The following SYN2 variants were observed in gnomAD, a reference collection of about 807,000 sequenced individuals.
The protein encoded by SYN2 is synapsin II.
Under a neutral mutation model 50.9 loss-of-function variants are expected in SYN2, and 19 were observed. That is an observed-to-expected ratio of 0.37 (90% CI 0.26 to 0.55). The LOEUF (loss-of-function observed/expected upper bound fraction) is 0.55, where lower values mean the gene tolerates loss of function less well. Ranked by LOEUF, SYN2 falls within the 20% of genes least tolerant of loss-of-function variation. The probability of loss-of-function intolerance (pLI) is 0.81; values close to 1 mark genes in which losing one functional copy is unlikely to be tolerated. For missense variants in SYN2, 587 were observed against 576.4 expected, an observed-to-expected ratio of 1.02 and a Z score of -0.19; for synonymous variants, 255 against 224.9, an observed-to-expected ratio of 1.13 and a Z score of -1.20.
chr3:12,037,442 CATTT>C (rs1324053646), intron 1 of SYN2, among the ~76,000 whole-genome samples: 1 of 152,162 alleles, frequency 6.6e-6, no homozygotes, highest in East Asian at 1.9e-4. Flanking sequence ...TAGATACAAA[CATTT>C]ATTTATTATA....
At chr3:12,168,563 C>T (rs570874157) in intron 9 of SYN2, 85 bp downstream of exon 9, 10 of 1,147,870 alleles carry the variant, frequency 8.7e-6, no homozygotes, top group Middle Eastern at 2.0e-4. Context: ...TTTGGAGTCT[C>T]CTGAACCATG....
chr3:12,015,351 A>G (rs1694004799), intron 1 of SYN2, among the ~76,000 whole-genome samples: 1 of 152,206 alleles, frequency 6.6e-6, no homozygotes, highest in Non-Finnish European at 1.5e-5. Context: ...CAACACTGAG[A>G]TCCCCTTGAA....
At chr3:12,113,863 G>T (rs1696376126) in intron 1 of SYN2, among the ~76,000 whole-genome samples, 1 of 151,594 alleles carries the variant, frequency 6.6e-6, no homozygotes, top group Non-Finnish European at 1.5e-5. Flanking sequence ...GGACATTTTG[G>T]GCTATTTTCA....
At chr3:12,083,521 T>C (rs1458602323) in intron 1 of SYN2, among the ~76,000 whole-genome samples, 1 of 152,216 alleles carries the variant, frequency 6.6e-6, no homozygotes, top group Non-Finnish European at 1.5e-5. Context: ...TGTTTATTCC[T>C]TCCTCCCAAA....
chr3:12,148,802 A>T (rs763453561), intron 4 of SYN2: 1 of 152,066 alleles, frequency 6.6e-6, no homozygotes, highest in Non-Finnish European at 1.5e-5. Context: ...CTGGAATCCC[A>T]TTTTTTTCCA....
intron 12 of SYN2, 69 bp from the exon 13 acceptor site, chr3:12,190,421 C>T: frequency 4.5e-6 from 7 of 1,571,494 alleles, no homozygotes; most frequent in Admixed American, 1.7e-5. Context: ...TGTATCCTCA[C>T]GTCACCGTCC....
chr3:12,174,147 A>C (rs1286242675), intron 10 of SYN2, among the ~76,000 whole-genome samples: 1 of 151,886 alleles, frequency 6.6e-6, no homozygotes, highest in Non-Finnish European at 1.5e-5. Flanking sequence ...GTGCCCCAGA[A>C]CTTGGTCAAC....
At chr3:12,053,367 G>A (rs2125156849) in intron 1 of SYN2, among the ~76,000 whole-genome samples, 1 of 151,330 alleles carries the variant, frequency 6.6e-6, no homozygotes, top group South Asian at 2.1e-4. Context: ...GTTGCAGTGA[G>A]CCGAGATCAC....
At chr3:12,157,322 AAC>A (rs1324269055) in intron 5 of SYN2, 3 of 1,522,540 alleles carry the variant, frequency 2.0e-6, no homozygotes, top group South Asian at 1.1e-5. Context: ...GCCCTCCCAG[AAC>A]ACAGACTCCA....
chr3:12,046,626 G>A (rs1172501753), intron 1 of SYN2, among the ~76,000 whole-genome samples: 2 of 152,176 alleles, frequency 1.3e-5, no homozygotes, highest in African/African-American at 4.8e-5. Flanking sequence ...TGGAGGAAGG[G>A]AAGAGTGGAT....
chr3:12,053,045 T>A (rs1374001847), intron 1 of SYN2, among the ~76,000 whole-genome samples: 1 of 152,170 alleles, frequency 6.6e-6, no homozygotes, highest in Non-Finnish European at 1.5e-5. Context: ...ATTATTCCCA[T>A]TTGATAAATG....
intron 1 of SYN2, among the ~76,000 whole-genome samples, chr3:12,088,461 A>G (rs1032628345): frequency 6.6e-6 from 1 of 152,186 alleles, no homozygotes; most frequent in Admixed American, 6.5e-5. Flanking sequence ...GGGAAGGTAA[A>G]TTAGTATAGC....
At chr3:12,034,941 A>G (rs796656834) in intron 1 of SYN2, among the ~76,000 whole-genome samples, 37 of 152,290 alleles carry the variant, frequency 2.4e-4, no homozygotes, top group African/African-American at 8.7e-4. Flanking sequence ...CCAAAGTCTC[A>G]TCTAAATCAG....
Position 12,146,388 on chromosome 3 carries a change from C to G in SYN2, c.684+553C>G, listed in dbSNP as rs577466788. On this transcript the variant is annotated intron_variant, in intron 4 of 12. Coordinates refer to ENST00000621198, the MANE Select transcript of SYN2 (RefSeq NM_133625.6). Reference sequence around the variant, plus strand: ...GAAGTGTCTTGGAGATCATCAAAGCCTAACCCTAATTCTGACCTTAACCTT... The same window carrying G: ...GAAGTGTCTTGGAGATCATCAAAGCGTAACCCTAATTCTGACCTTAACCTT... Among the ~76,000 whole-genome samples the G allele has an allele frequency of 2.6e-5, 4 of 152,302 alleles. No individual in the cohort carries two copies. The South Asian group carries it at 8.3e-4, about 32-fold the overall frequency.
chr3:12,143,401 C>T (rs1053079778), intron 3 of SYN2, among the ~76,000 whole-genome samples: 3 of 152,156 alleles, frequency 2.0e-5, no homozygotes, highest in African/African-American at 7.2e-5. Context: ...TAATGAGCAT[C>T]ATATCCAATA....
In SYN2 at chr3:12,151,252, G is replaced by T. The variant is rs762270296; in HGVS notation, c.700G>T (p.Ala234Ser). The T allele has an allele frequency of 1.2e-5, 19 of 1,612,438 alleles. 1 individual carries two copies. Among genetic ancestry groups the T allele is most frequent in the Middle Eastern group, 1.6e-4 (1 of 6,082 alleles). The change falls in exon 5 of 13, where the codon GCT becomes TCT. Residue 234 changes from alanine to serine, a missense_variant. By Grantham distance (99) the Ala-to-Ser change is moderately conservative. Coordinates refer to ENST00000621198, the MANE Select transcript of SYN2 (RefSeq NM_133625.6). ...TCTTTTGCAGTTTGCCCAGCTGGTC[G>T]CTATCTATAAGACACTGGGAGGAGA... Reference protein sequence around the residue: ...DKPWVFAQLVAIYKTLGGEKF... With the variant: ...DKPWVFAQLVSIYKTLGGEKF...
At chr3:12,112,402 A>C (rs949701317) in intron 1 of SYN2, among the ~76,000 whole-genome samples, 1 of 152,108 alleles carries the variant, frequency 6.6e-6, no homozygotes, top group East Asian at 1.9e-4. Context: ...GGTTTGGTTC[A>C]CTATTTGGGG....
chr3:12,161,129 G>T (rs1697636313), intron 5 of SYN2, among the ~76,000 whole-genome samples: 1 of 152,180 alleles, frequency 6.6e-6, no homozygotes, highest in Admixed American at 6.5e-5. Context: ...CATGCTGACA[G>T]GGACATCAAG....
At chr3:12,174,766 C>G (rs1195361066) in intron 10 of SYN2, among the ~76,000 whole-genome samples, 4 of 152,206 alleles carry the variant, frequency 2.6e-5, no homozygotes, top group African/African-American at 9.7e-5. Context: ...AGGCATGAGC[C>G]ACCGCGCCCA....
Sources: allele counts gnomAD v4.1 joint callset (sites outside exome capture counted in the v4.1 genomes callset), GRCh38; gene constraint gnomAD v4.1.1; transcripts MANE v1.5; gene names NCBI Gene and HGNC (gene_info 2026-07-23, HGNC 2026-07-21).